Variants in ADAMTSL1 observed in about 807,000 individuals in gnomAD.
ADAMTSL1 encodes ADAMTS-like protein 1.
Under a neutral mutation model 201.8 loss-of-function variants are expected in ADAMTSL1, and 126 were observed. The observed-to-expected ratio is 0.62, with a 90% CI of 0.54 to 0.72. The LOEUF (loss-of-function observed/expected upper bound fraction) is 0.72, where lower values mean the gene tolerates loss of function less well. Ranked by LOEUF, ADAMTSL1 falls within the 30% of genes least tolerant of loss-of-function variation. ADAMTSL1 has a pLI of 0.00. For missense variants in ADAMTSL1, 2,679 were observed against 2,277.8 expected, an observed-to-expected ratio of 1.18 and a Z score of -3.59; for synonymous variants, 1,121 against 903.4, an observed-to-expected ratio of 1.24 and a Z score of -4.32.
chr9:18,503,914 G>T (rs1310390924), intron 1 of ADAMTSL1, among the ~76,000 whole-genome samples: 1 of 151,930 alleles, frequency 6.6e-6, no homozygotes, highest in African/African-American at 2.4e-5. Flanking sequence ...TTAGCACTCT[G>T]CTCCGGCACT....
At chr9:18,271,002 G>C (rs557622535) in intron 2 of ADAMTSL1, among the ~76,000 whole-genome samples, 1 of 152,152 alleles carries the variant, frequency 6.6e-6, no homozygotes, top group Non-Finnish European at 1.5e-5. Context: ...CTGGTGGGTG[G>C]TTGGAAGGCT....
Position 18,334,729 on chromosome 9 carries a change from G to C in ADAMTSL1, c.208-170100G>C, listed in dbSNP as rs1032850633. On this transcript the variant is annotated intron_variant, in intron 2 of 29. Transcript: ENST00000680146. ...TTATCAATTTAGGTCACCAGTCTGG[G>C]ACTTGGAAACAACAGAAACCAAATA... Among the ~76,000 whole-genome samples the C allele has an allele frequency of 1.1e-4, 16 of 152,190 alleles. No homozygotes were observed. The East Asian group carries it at 3.1e-3, about 29-fold the overall frequency.
At chr9:18,513,516 T>C (rs967450374) in intron 2 of ADAMTSL1, among the ~76,000 whole-genome samples, 1 of 152,214 alleles carries the variant, frequency 6.6e-6, no homozygotes, top group African/African-American at 2.4e-5. Context: ...TACTTGCCTA[T>C]TTTTGCTTTT....
intron 2 of ADAMTSL1, among the ~76,000 whole-genome samples, chr9:18,358,625 A>G (rs1311274253): frequency 2.0e-5 from 3 of 152,190 alleles, no homozygotes; most frequent in Non-Finnish European, 4.4e-5. Context: ...TAATCATGTG[A>G]TATGTGGCCT....
chr9:18,210,848 T>G (rs1035770487), intron 2 of ADAMTSL1, among the ~76,000 whole-genome samples: 2 of 151,902 alleles, frequency 1.3e-5, no homozygotes, highest in African/African-American at 2.4e-5. Flanking sequence ...GGCCAGGTAT[T>G]ATGCAGTAAT....
intron 20 of ADAMTSL1, among the ~76,000 whole-genome samples, chr9:18,801,005 G>C (rs1390439351): frequency 6.6e-6 from 1 of 152,212 alleles, no homozygotes; most frequent in Non-Finnish European, 1.5e-5. Flanking sequence ...TATTGAAAGA[G>C]AATGGTAATG....
At chr9:17,983,042 T>TC (rs1818776250) in intron 1 of ADAMTSL1, among the ~76,000 whole-genome samples, 1 of 148,698 alleles carries the variant, frequency 6.7e-6, no homozygotes, top group South Asian at 2.1e-4. Context: ...ATTTTTTTTT[T>TC]CATTTTCTTT....
intron 2 of ADAMTSL1, among the ~76,000 whole-genome samples, chr9:18,342,425 A>C (rs932422069): frequency 1.3e-5 from 2 of 152,166 alleles, no homozygotes; most frequent in East Asian, 3.9e-4. Flanking sequence ...AATGGCAAAG[A>C]GAGTAGCATG....
At chr9:18,608,497 T>C (rs1039418273) in intron 4 of ADAMTSL1, among the ~76,000 whole-genome samples, 1 of 152,146 alleles carries the variant, frequency 6.6e-6, no homozygotes, top group Non-Finnish European at 1.5e-5. Flanking sequence ...GGAAAATGTA[T>C]GCAGTCCTTT....
chr9:18,745,215 T>C (rs1036763408), intron 15 of ADAMTSL1, among the ~76,000 whole-genome samples: 10 of 152,210 alleles, frequency 6.6e-5, no homozygotes, highest in African/African-American at 2.4e-4. Context: ...ATTATTATTA[T>C]GATGATTGCC....
chr9:18,108,196 ATTTTTTTT>A (rs5896770), intron 1 of ADAMTSL1, among the ~76,000 whole-genome samples: 43 of 125,546 alleles, frequency 3.4e-4, no homozygotes, highest in Middle Eastern at 4.1e-3. Flanking sequence ...AGAGTGTGGA[ATTTTTTTT>A]TTTTTTTTTT....
intron 1 of ADAMTSL1, among the ~76,000 whole-genome samples, chr9:17,995,930 A>G (rs1397863551): frequency 6.6e-6 from 1 of 151,946 alleles, no homozygotes; most frequent in Non-Finnish European, 1.5e-5. Context: ...AAAATGACAC[A>G]GTCCGTATAG....
intron 2 of ADAMTSL1, among the ~76,000 whole-genome samples, chr9:18,341,671 C>T (rs1006193565): frequency 1.3e-5 from 2 of 152,056 alleles, no homozygotes; most frequent in African/African-American, 4.8e-5. Flanking sequence ...TTTATTTTCT[C>T]TCATTTTAGA....
At chr9:18,383,895 G>A (rs536915994) in intron 2 of ADAMTSL1, among the ~76,000 whole-genome samples, 25 of 152,070 alleles carry the variant, frequency 1.6e-4, no homozygotes, top group Non-Finnish European at 3.2e-4. Context: ...AATCACCTGG[G>A]GTCTGGTTAA....
intron 2 of ADAMTSL1, among the ~76,000 whole-genome samples, chr9:18,382,085 T>C (rs746396003): frequency 1.3e-5 from 2 of 152,164 alleles, no homozygotes; most frequent in South Asian, 4.1e-4. Context: ...GCAATGATTG[T>C]GTAGATTGAC....
At chr9:18,481,616 G>C (rs1821734173) in intron 1 of ADAMTSL1, among the ~76,000 whole-genome samples, 1 of 151,784 alleles carries the variant, frequency 6.6e-6, no homozygotes, top group Non-Finnish European at 1.5e-5. Context: ...ATAACTCTCT[G>C]CACCTGCTTA....
At chr9:18,290,787 T>TTTTG (rs1563862919) in intron 2 of ADAMTSL1, among the ~76,000 whole-genome samples, 23 of 146,148 alleles carry the variant, frequency 1.6e-4, no homozygotes, top group Non-Finnish European at 3.0e-4. Context: ...GTGTGTTTTT[T>TTTTG]TTTTTTTTTT....
At chr9:18,106,952 A>G (rs905827409) in intron 1 of ADAMTSL1, among the ~76,000 whole-genome samples, 1 of 152,194 alleles carries the variant, frequency 6.6e-6, no homozygotes, top group Non-Finnish European at 1.5e-5. Flanking sequence ...CAATTCCCAC[A>G]TTGAAACTTA....
At chr9:18,437,083 T>C (rs1485416883) in intron 2 of ADAMTSL1, among the ~76,000 whole-genome samples, 1 of 150,310 alleles carries the variant, frequency 6.7e-6, no homozygotes, top group Non-Finnish European at 1.5e-5. Flanking sequence ...GTTGTAATCT[T>C]GGACAAGGCA....
Sources: allele counts gnomAD v4.1 joint callset (sites outside exome capture counted in the v4.1 genomes callset), GRCh38; gene constraint gnomAD v4.1.1; transcripts MANE v1.5; gene names NCBI Gene and HGNC (gene_info 2026-07-23, HGNC 2026-07-21).